CSMD1: variants seen among roughly 807,000 people sequenced by gnomAD.
CSMD1 encodes the protein CUB and Sushi multiple domains 1, also known as CUB and sushi domain-containing protein 1.
CSMD1 carries 213 observed loss-of-function variants against 417.5 expected under a neutral mutation model. The observed-to-expected ratio is 0.51, with a 90% CI of 0.46 to 0.57. The LOEUF (loss-of-function observed/expected upper bound fraction) is 0.57. Ranked by LOEUF, CSMD1 falls within the 20% of genes least tolerant of loss-of-function variation. The probability of loss-of-function intolerance (pLI) is 0.00; values close to 1 mark genes in which losing one functional copy is unlikely to be tolerated. For synonymous variants in CSMD1, 2,862 were observed against 1,736.8 expected, an observed-to-expected ratio of 1.65 and a Z score of -16.11; for missense variants, 6,923 against 4,529.7, an observed-to-expected ratio of 1.53 and a Z score of -15.17.
intron 1 of CSMD1, among the ~76,000 whole-genome samples, chr8:4,718,905 T>C (rs1484843761): frequency 6.6e-6 from 1 of 152,114 alleles, no homozygotes; most frequent in African/African-American, 2.4e-5. Context: ...CTCTATGACA[T>C]TGTATTAAAA....
chr8:3,486,692 T>C (rs1212732211), intron 11 of CSMD1, among the ~76,000 whole-genome samples: 2 of 152,216 alleles, frequency 1.3e-5, no homozygotes, highest in African/African-American at 2.4e-5. Context: ...CCGATTCCTG[T>C]GGGACCTATG....
At chr8:3,246,585 C>T (rs1420192518) in intron 26 of CSMD1, among the ~76,000 whole-genome samples, 1 of 152,170 alleles carries the variant, frequency 6.6e-6, no homozygotes, top group Non-Finnish European at 1.5e-5. Context: ...GATTCTCCTG[C>T]CTCAGCCTCC....
intron 4 of CSMD1, among the ~76,000 whole-genome samples, chr8:3,998,822 T>G (rs554050281): frequency 6.6e-6 from 1 of 151,324 alleles, no homozygotes; most frequent in African/African-American, 2.4e-5. Flanking sequence ...CTTTGTTACA[T>G]TTATTTTATC....
intron 5 of CSMD1, among the ~76,000 whole-genome samples, chr8:3,874,323 C>T (rs1805674839): frequency 6.6e-6 from 1 of 152,162 alleles, no homozygotes; most frequent in Admixed American, 6.6e-5. Context: ...GGCTGCGTAA[C>T]TCTTATCTAA....
chr8:3,387,868 AAG>A (rs1811108279), intron 17 of CSMD1, among the ~76,000 whole-genome samples, 186 bp from the exon 18 acceptor site: 1 of 152,212 alleles, frequency 6.6e-6, no homozygotes, highest in African/African-American at 2.4e-5. Flanking sequence ...CGTTTTTTAA[AAG>A]AGAGATTTAT....
chr8:3,778,811 C>T (rs1010499917), intron 5 of CSMD1, among the ~76,000 whole-genome samples: 4 of 152,200 alleles, frequency 2.6e-5, no homozygotes, highest in Non-Finnish European at 5.9e-5. Flanking sequence ...CACTTTTCTC[C>T]TGACTGCTGT....
At chr8:4,583,078 A>G (rs899661877) in intron 2 of CSMD1, among the ~76,000 whole-genome samples, 1 of 152,194 alleles carries the variant, frequency 6.6e-6, no homozygotes, top group Non-Finnish European at 1.5e-5. Flanking sequence ...GGCAGGGCTC[A>G]GGACCTGCAG....
intron 5 of CSMD1, among the ~76,000 whole-genome samples, chr8:3,868,427 G>C (rs921349549): frequency 6.6e-6 from 1 of 152,086 alleles, no homozygotes; most frequent in Admixed American, 6.5e-5. Context: ...GCAGCTGGGG[G>C]GCAGCTGTAA....
At chr8:4,277,311 G>C (rs964924329) in intron 3 of CSMD1, among the ~76,000 whole-genome samples, 2 of 151,922 alleles carry the variant, frequency 1.3e-5, no homozygotes, top group African/African-American at 4.8e-5. Flanking sequence ...TCCACTGAAG[G>C]GAACGGGACT....
chr8:4,457,271 C>G (rs1361244989), intron 2 of CSMD1, among the ~76,000 whole-genome samples: 1 of 152,074 alleles, frequency 6.6e-6, no homozygotes, highest in Non-Finnish European at 1.5e-5. Flanking sequence ...GCCCATCTTA[C>G]TTACATATAT....
chr8:4,884,047 C>T (rs895750144), intron 1 of CSMD1, among the ~76,000 whole-genome samples: 1 of 152,000 alleles, frequency 6.6e-6, no homozygotes. Flanking sequence ...CAAATGGTGT[C>T]TCACTATGGT....
At chr8:3,599,488 A>T (rs181414013) in intron 8 of CSMD1, among the ~76,000 whole-genome samples, 393 of 152,200 alleles carry the variant, frequency 2.6e-3, no homozygotes, top group Middle Eastern at 0.01. Flanking sequence ...AGTAACCCCA[A>T]CGCAGAGTTA....
At chr8:4,659,611 T>A (rs906483283) in intron 1 of CSMD1, among the ~76,000 whole-genome samples, 1 of 152,054 alleles carries the variant, frequency 6.6e-6, no homozygotes, top group Non-Finnish European at 1.5e-5. Context: ...AGAAAACAGA[T>A]TGGTGATTGC....
intron 2 of CSMD1, among the ~76,000 whole-genome samples, chr8:4,464,529 A>G (rs971328016): frequency 1.3e-5 from 2 of 152,164 alleles, no homozygotes; most frequent in African/African-American, 2.4e-5. Context: ...CATTTATTCA[A>G]TATTGAACTA....
At chr8:3,798,465 T>G (rs1333748167) in intron 5 of CSMD1, among the ~76,000 whole-genome samples, 1 of 152,068 alleles carries the variant, frequency 6.6e-6, no homozygotes, top group Non-Finnish European at 1.5e-5. Flanking sequence ...AGGAACCACT[T>G]GATTCATATC....
intron 6 of CSMD1, among the ~76,000 whole-genome samples, chr8:3,721,578 C>G (rs577798478): frequency 1.3e-5 from 2 of 152,164 alleles, no homozygotes; most frequent in African/African-American, 4.8e-5. Flanking sequence ...AGTGGTATTT[C>G]AGGTTCAAAC....
intron 2 of CSMD1, among the ~76,000 whole-genome samples, chr8:4,549,190 AT>A: frequency 6.6e-6 from 1 of 152,254 alleles, no homozygotes; most frequent in African/African-American, 2.4e-5. Context: ...AGCTGACTTG[AT>A]TTCTGGAAAT....
chr8:4,287,245 A>G (rs929304243), intron 3 of CSMD1, among the ~76,000 whole-genome samples: 8 of 152,332 alleles, frequency 5.3e-5, no homozygotes, highest in African/African-American at 1.9e-4. Flanking sequence ...CAAGTTCTAA[A>G]AGATTCCCCC....
intron 1 of CSMD1, among the ~76,000 whole-genome samples, chr8:4,856,910 G>C (rs992141644): frequency 5.9e-5 from 9 of 152,130 alleles, no homozygotes; most frequent in African/African-American, 1.2e-4. Context: ...TCTGAACCAA[G>C]TGGACCTAAT....
Sources: gnomAD v4.1 joint callset for allele counts (sites outside exome capture counted in the v4.1 genomes callset) on GRCh38, gnomAD v4.1.1 for gene constraint, MANE v1.5 for transcripts, NCBI Gene and HGNC (gene_info 2026-07-23, HGNC 2026-07-21) for gene names.